HELLS: variants seen among roughly 807,000 people sequenced by gnomAD.
The protein encoded by HELLS is helicase, lymphoid specific, also known as lymphoid-specific helicase.
HELLS carries 32 observed loss-of-function variants against 120.0 expected under a neutral mutation model. The ratio of observed to expected loss-of-function variants is 0.27; its 90% CI spans 0.20 to 0.36. The LOEUF (loss-of-function observed/expected upper bound fraction) is 0.36. Ranked by LOEUF, HELLS falls within the 10% of genes least tolerant of loss-of-function variation. The pLI is 1.00. For synonymous variants in HELLS, 341 were observed against 323.4 expected (o/e 1.05, Z -0.58); for missense variants, 650 against 993.4 (o/e 0.65, Z 4.65).
At chr10:94,578,630 G>A (rs1328970600) in intron 10 of HELLS, among the ~76,000 whole-genome samples, 1 of 152,134 alleles carries the variant, frequency 6.6e-6, no homozygotes. Context: ...GGAGGCGGAT[G>A]TTGCAGTGAG....
At chr10:94,613,146 T>A (rs12783717) in exon 10 of HELLS, 9 of 152,080 alleles carry the variant, frequency 5.9e-5, no homozygotes, top group Non-Finnish European at 1.0e-4. Flanking sequence ...TAAGTACTTA[T>A]GTACTTTTCA....
chr10:94,582,670 T>C (rs904339633), intron 11 of HELLS, among the ~76,000 whole-genome samples: 3 of 152,158 alleles, frequency 2.0e-5, no homozygotes, highest in Admixed American at 2.0e-4. Flanking sequence ...TATAAATATA[T>C]ACCTTAATCT....
chr10:94,564,761 C>T (rs1269453602), intron 6 of HELLS, among the ~76,000 whole-genome samples: 1 of 151,928 alleles, frequency 6.6e-6, no homozygotes, highest in Non-Finnish European at 1.5e-5. Flanking sequence ...TTACAGGTAC[C>T]TATTTGTATT....
intron 2 of HELLS, among the ~76,000 whole-genome samples, chr10:94,551,746 T>C (rs1317016521): frequency 9.7e-5 from 14 of 144,550 alleles, no homozygotes; most frequent in African/African-American, 3.5e-4. Context: ...ATTTCTTTTC[T>C]TTTTTTTTTT....
At chr10:94,602,112 A>G (rs1177141935), downstream of HELLS, 1 of 152,504 alleles carries the variant, frequency 6.6e-6, no homozygotes, top group African/African-American at 2.4e-5. Context: ...TCATTAAATT[A>G]TTTCTTCAGG....
At position 94,554,144 on chromosome 10, in the gene HELLS, A is replaced by G; in HGVS notation, c.172A>G (p.Arg58Gly). Residue 58 changes from arginine (R) to glycine (G), a missense_variant, in exon 3 of 22, where the codon AGA (arginine) becomes GGA (glycine). Around this residue, in one of 9 missense-constraint regions of HELLS, gnomAD observed 90 missense variants for 93.6 expected, o/e 0.96. Transcript: ENST00000348459. ...MLEKARMSWDRESTEIRYRRL... is the reference protein window; with the variant it reads ...MLEKARMSWDGESTEIRYRRL... The stretch of plus-strand genomic sequence containing the variant: ...TGGATAGGCTCGCATGTCTTGGGAT[A>G]GAGAGTCGACAGAAATTCGGTACCG... 1 of 1,584,570 alleles carries G rather than the reference A, an allele frequency of 6.3e-7. No homozygotes were observed. The highest frequency in any genetic ancestry group is 8.5e-7 in the Non-Finnish European group (1 of 1,171,072).
At position 94,580,151 on chromosome 10, in the gene HELLS, A is replaced by G. The variant is rs1564602569; in HGVS notation, c.1033-1175A>G. ...TATATATATATATATATATATATAT[A>G]TATATATATATACACACACACACAC... On this transcript the variant is annotated intron_variant, in intron 10 of 21. Transcript: ENST00000348459. Among the ~76,000 whole-genome samples, 11 of 75,448 alleles carry G rather than the reference A, an allele frequency of 1.5e-4. 1 individual carries two copies. In the East Asian group the frequency reaches 3.6e-3, roughly 24 times the overall value. The allele number at this position is 75,448 out of a possible 152,430, so 49.5% of individuals were successfully genotyped here.
At position 94,567,124 on chromosome 10, in the gene HELLS, A is replaced by G. The variant is rs545030212; in HGVS notation, c.435+4248A>G. Among the ~76,000 whole-genome samples, 4 of 152,228 alleles carry G rather than the reference A, an allele frequency of 2.6e-5. No homozygotes were observed. The East Asian group carries it at 5.8e-4, about 22-fold the overall frequency. ...AATGCATTTGGAGGGGTATAACCCA[A>G]TTGAGTGTTCTGCCACTGTGGACCC... On this transcript the variant is annotated intron_variant, in intron 6 of 21. Coordinates refer to ENST00000348459, the MANE Select transcript of HELLS (RefSeq NM_018063.5).
At chr10:94,593,094 G>T (rs1462474124) in intron 17 of HELLS, among the ~76,000 whole-genome samples, 1 of 152,050 alleles carries the variant, frequency 6.6e-6, no homozygotes, top group Non-Finnish European at 1.5e-5. Flanking sequence ...GAATCTTTCT[G>T]ACAAATGCAT....
rs143222091 is a variant in HELLS at position 94,565,712 on chromosome 10, A to C, written c.435+2836A>C. Among the ~76,000 whole-genome samples, 485 of 152,272 alleles carry C rather than the reference A, an allele frequency of 3.2e-3. 2 individuals carry two copies. Among genetic ancestry groups the C allele is most frequent in the African/African-American group, 0.011 (468 of 41,566 alleles). On this transcript the variant is annotated intron_variant, in intron 6 of 21. Transcript: ENST00000348459. ...TCTCAAAAAAGAAAAACCACTTTTA[A>C]TATGCCATACTGAAGTTTAGCCAGT...
At chr10:94,559,422 ATATT>A (rs1231341907) in intron 4 of HELLS, among the ~76,000 whole-genome samples, 2 of 151,734 alleles carry the variant, frequency 1.3e-5, no homozygotes, top group Non-Finnish European at 2.9e-5. Flanking sequence ...CCTGAGTTCG[ATATT>A]TATTTATTTA....
In HELLS at chr10:94,554,223, C is replaced by T. The variant is rs752164311; in HGVS notation, c.251C>T (p.Thr84Met). ...KSNIYSKFLL[T>M]KMEQQQLEEQ... ...AATATATACTCCAAATTTTTATTGACGAAAATGGAACAGCAACAATTAGAG... is the reference window on the plus strand; with the variant it reads ...AATATATACTCCAAATTTTTATTGATGAAAATGGAACAGCAACAATTAGAG... Residue 84 changes from threonine (T) to methionine (M), a missense_variant, in exon 3 of 22, where the codon ACG becomes ATG. By Grantham distance (81) the Thr-to-Met change is moderately conservative. Transcript: ENST00000348459. 10 of 1,518,734 alleles carry T rather than the reference C, an allele frequency of 6.6e-6. No individual in the cohort carries two copies. The highest frequency in any genetic ancestry group is 2.6e-5 in the East Asian group (1 of 37,744). 94.1% of individuals were successfully genotyped at this position (1,518,734 alleles called of 1,614,324 possible).
chr10:94,566,823 T>A lies in HELLS; in HGVS notation c.435+3947T>A, dbSNP rs569219169. 2.0e-5 allele frequency among the ~76,000 whole-genome samples: 3 copies of A among 152,086 alleles called. No individual in the cohort carries two copies. In the South Asian group the frequency reaches 6.2e-4, roughly 32 times the overall value. Reference sequence around the variant, plus strand: ...GCACGTGCCACCACGCCTGGCTGTTTTTGTATTTTTTCATAGAGAGGTGGT... The same window carrying A: ...GCACGTGCCACCACGCCTGGCTGTTATTGTATTTTTTCATAGAGAGGTGGT... On this transcript the variant is annotated intron_variant, in intron 6 of 21. Transcript: ENST00000348459.
chr10:94,599,881 AGACT>A (rs1414146709), intron 21 of HELLS, among the ~76,000 whole-genome samples: 1 of 152,248 alleles, frequency 6.6e-6, no homozygotes, highest in Non-Finnish European at 1.5e-5. Flanking sequence ...GTTAATAGAA[AGACT>A]GAGTAAACAT....
intron 15 of HELLS, 110 bp from the exon 16 acceptor site, chr10:94,592,119 A>G: frequency 1.4e-6 from 1 of 711,820 alleles, no homozygotes; most frequent in Non-Finnish European, 2.3e-6. Context: ...TCAGTTTTTA[A>G]GTTTTTTAAG....
intron 19 of HELLS, among the ~76,000 whole-genome samples, chr10:94,595,100 C>T (rs911945264): frequency 6.6e-6 from 1 of 151,158 alleles, no homozygotes; most frequent in Non-Finnish European, 1.5e-5. Context: ...CGGTGGCGGG[C>T]GCCTGTAATC....
intron 2 of HELLS, among the ~76,000 whole-genome samples, chr10:94,549,195 CTACT>C (rs1296621005): frequency 1.3e-5 from 2 of 152,132 alleles, no homozygotes; most frequent in Non-Finnish European, 2.9e-5. Flanking sequence ...GAGTCTCTAC[CTACT>C]TGAGATTAAT....
rs1023446691 is a variant in HELLS at position 94,573,980 on chromosome 10, T to C, written c.498T>C (p.Thr166=). ...TACAGGATGAAAACTCCTCCTCTAC[T>C]AATCTCTGTGTGGAAGATCTTCAGA... ...KENEDENSSS[T]NLCVEDLQKN... Residue 166 remains threonine, a synonymous_variant, in exon 8 of 22, where the codon ACT becomes ACC. Transcript: ENST00000348459. 6.2e-7 allele frequency: 1 copy of C among 1,606,936 alleles called. No individual in the cohort carries two copies. The highest frequency in any genetic ancestry group is 8.5e-7 in the Non-Finnish European group (1 of 1,173,740).
chr10:94,546,243 G>T, intron 1 of HELLS, 134 bp from the exon 2 acceptor site: 2 of 1,034,446 alleles, frequency 1.9e-6, no homozygotes, highest in Admixed American at 4.1e-5. Context: ...CTTCTGAGAG[G>T]TGATGCTGGC....
Sources: allele counts gnomAD v4.1 joint callset (sites outside exome capture counted in the v4.1 genomes callset), GRCh38; gene constraint gnomAD v4.1.1; regional missense constraint gnomAD v4.1.1; transcripts MANE v1.5; gene names NCBI Gene and HGNC (gene_info 2026-07-23, HGNC 2026-07-21).